The following VPS13B variants were observed in gnomAD, a reference collection of about 807,000 sequenced individuals.
The protein encoded by VPS13B is intermembrane lipid transfer protein VPS13B.
In VPS13B, 285 loss-of-function variants were observed where a neutral mutation model predicts 426.4. That is an observed-to-expected ratio of 0.67 (90% CI 0.61 to 0.74). The LOEUF (loss-of-function observed/expected upper bound fraction) is 0.74, where lower values mean the gene tolerates loss of function less well. VPS13B is among the 30% of genes least tolerant of loss of function. The pLI is 0.00. For synonymous variants in VPS13B, 1,676 were observed against 1,676.4 expected (o/e 1.00, Z 0.01); for missense variants, 4,537 against 4,782.6 (o/e 0.95, Z 1.51).
intron 3 of VPS13B, among the ~76,000 whole-genome samples, chr8:99,057,675 C>T (rs760553305): frequency 6.6e-6 from 1 of 152,122 alleles, no homozygotes; most frequent in Non-Finnish European, 1.5e-5. Context: ...ACCTATATGT[C>T]CCATAGAATG....
intron 34 of VPS13B, among the ~76,000 whole-genome samples, chr8:99,649,491 A>G (rs897654569): frequency 2.0e-5 from 3 of 151,332 alleles, no homozygotes; most frequent in African/African-American, 4.9e-5. Context: ...TGTAGTTCTT[A>G]TTTATCTGTT....
intron 39 of VPS13B, among the ~76,000 whole-genome samples, chr8:99,724,374 A>G (rs1308276210): frequency 6.6e-6 from 1 of 152,140 alleles, no homozygotes; most frequent in Non-Finnish European, 1.5e-5. Context: ...TTCTGGTTCT[A>G]TACTAGAGGC....
chr8:99,769,469 G>A (rs1222998724), intron 40 of VPS13B, among the ~76,000 whole-genome samples: 1 of 152,266 alleles, frequency 6.6e-6, no homozygotes, highest in Non-Finnish European at 1.5e-5. Context: ...GTACTTTTAT[G>A]ATTAGAGATT....
intron 33 of VPS13B, among the ~76,000 whole-genome samples, chr8:99,607,634 T>C (rs1292009263): frequency 6.6e-6 from 1 of 152,206 alleles, no homozygotes; most frequent in Admixed American, 6.5e-5. Flanking sequence ...AAAAGAACTC[T>C]AGAACAATGG....
chr8:99,529,570 A>G (rs1332253368), intron 30 of VPS13B, among the ~76,000 whole-genome samples: 1 of 152,218 alleles, frequency 6.6e-6, no homozygotes, highest in African/African-American at 2.4e-5. Flanking sequence ...ACATTATAAA[A>G]TGTAAAAGGG....
chr8:99,172,469 A>G (rs1019834694), intron 16 of VPS13B, among the ~76,000 whole-genome samples: 28 of 152,112 alleles, frequency 1.8e-4, no homozygotes, highest in Non-Finnish European at 3.5e-4. Flanking sequence ...AACTCTTTCT[A>G]ATTTTCAGAG....
At chr8:99,230,274 C>T (rs188216450) in intron 17 of VPS13B, among the ~76,000 whole-genome samples, 5 of 152,146 alleles carry the variant, frequency 3.3e-5, no homozygotes, top group Admixed American at 6.5e-5. Context: ...TATCTTGAGT[C>T]GTTAAAGTTT....
chr8:99,121,846 CTTTT>C (rs34151287), intron 8 of VPS13B: 55 of 112,308 alleles, frequency 4.9e-4, no homozygotes, highest in East Asian at 9.6e-4. Flanking sequence ...CTCTCTCTCT[CTTTT>C]TTTTTTTTTT....
At chr8:99,190,665 T>C (rs1813513552) in intron 16 of VPS13B, among the ~76,000 whole-genome samples, 1 of 152,194 alleles carries the variant, frequency 6.6e-6, no homozygotes, top group Non-Finnish European at 1.5e-5. Context: ...AATGTTATAC[T>C]GTGTCATACA....
chr8:99,289,697 T>G (rs1170744693), intron 19 of VPS13B, among the ~76,000 whole-genome samples: 2 of 152,072 alleles, frequency 1.3e-5, no homozygotes, highest in Admixed American at 6.6e-5. Flanking sequence ...ATGTATCACC[T>G]CTGCAGGGTG....
intron 61 of VPS13B, among the ~76,000 whole-genome samples, chr8:99,872,135 A>AAGTC (rs1331698903): frequency 6.6e-6 from 1 of 152,104 alleles, no homozygotes; most frequent in Admixed American, 6.5e-5. Context: ...TGAAAGCCTA[A>AAGTC]AGTCAGGTCC....
At chr8:99,543,398 A>T (rs1325448664) in intron 30 of VPS13B, among the ~76,000 whole-genome samples, 1 of 152,018 alleles carries the variant, frequency 6.6e-6, no homozygotes, top group East Asian at 1.9e-4. Context: ...GGACATAGGC[A>T]TGGGCAAGGA....
intron 30 of VPS13B, chr8:99,536,633 A>G: frequency 3.7e-6 from 2 of 534,320 alleles, no homozygotes; most frequent in Non-Finnish European, 7.7e-6. Context: ...AACTGAATTG[A>G]CTGTCATCCA....
chr8:99,536,723 A>G (rs770891289), intron 30 of VPS13B: 1 of 534,272 alleles, frequency 1.9e-6, no homozygotes, highest in Non-Finnish European at 3.8e-6. Flanking sequence ...TGTGGACAGC[A>G]TGTCTTTGGC....
At chr8:99,168,000 A>G (rs1369458249) in intron 15 of VPS13B, among the ~76,000 whole-genome samples, 1 of 152,150 alleles carries the variant, frequency 6.6e-6, no homozygotes, top group South Asian at 2.1e-4. Flanking sequence ...GGATGTTGAC[A>G]AATTATTAGC....
chr8:99,222,105 A>G (rs1400259088), intron 17 of VPS13B, among the ~76,000 whole-genome samples: 1 of 152,206 alleles, frequency 6.6e-6, no homozygotes, highest in African/African-American at 2.4e-5. Context: ...CACTGGGACA[A>G]TTAAGAAGGA....
At chr8:99,312,303 C>G (rs886228866) in intron 19 of VPS13B, among the ~76,000 whole-genome samples, 6 of 152,032 alleles carry the variant, frequency 3.9e-5, no homozygotes, top group Non-Finnish European at 7.3e-5. Context: ...CCAGTGGCTG[C>G]TACCAGTTGT....
chr8:99,466,761 T>G (rs1819132017), intron 23 of VPS13B, among the ~76,000 whole-genome samples: 2 of 152,126 alleles, frequency 1.3e-5, no homozygotes, highest in Non-Finnish European at 2.9e-5. Flanking sequence ...AGATTTTGAT[T>G]AAGAAGGTCT....
intron 12 of VPS13B, among the ~76,000 whole-genome samples, chr8:99,138,046 C>T (rs548428266): frequency 2.6e-4 from 40 of 152,284 alleles, no homozygotes; most frequent in South Asian, 8.3e-4. Context: ...CGCTCCTAGC[C>T]ATCTGGTCCA....
Sources: allele counts gnomAD v4.1 joint callset (sites outside exome capture counted in the v4.1 genomes callset), GRCh38; gene constraint gnomAD v4.1.1; transcripts MANE v1.5; gene names NCBI Gene and HGNC (gene_info 2026-07-23, HGNC 2026-07-21).